The following APAF1 variants were observed in gnomAD, a reference collection of about 807,000 sequenced individuals.
The protein encoded by APAF1 is apoptotic protease-activating factor 1.
A neutral mutation model predicts 152.4 loss-of-function variants in APAF1; 91 were observed. The observed-to-expected ratio is 0.60, with a 90% CI of 0.50 to 0.71. The LOEUF (loss-of-function observed/expected upper bound fraction) is 0.71. APAF1 is among the 30% of genes least tolerant of loss of function. APAF1 has a pLI of 0.00. For synonymous variants in APAF1, 484 were observed against 494.1 expected (o/e 0.98, Z 0.27); for missense variants, 1,283 against 1,472.0 (o/e 0.87, Z 2.10).
chr12:98,725,569 G>A (rs1323492209), intron 25 of APAF1, 29 bp downstream of exon 25: 1 of 1,613,628 alleles, frequency 6.2e-7, no homozygotes, highest in Non-Finnish European at 8.5e-7. Context: ...TGAGAGCACT[G>A]CTCTTCTTGT....
intron 7 of APAF1, among the ~76,000 whole-genome samples, chr12:98,665,351 G>A (rs1004632733): frequency 6.9e-6 from 1 of 144,812 alleles, no homozygotes; most frequent in Non-Finnish European, 1.5e-5. Context: ...AAGATAATCA[G>A]GAACTTACTG....
At chr12:98,719,501 C>A (rs2097739278) in intron 22 of APAF1, among the ~76,000 whole-genome samples, 1 of 151,934 alleles carries the variant, frequency 6.6e-6, no homozygotes, top group Non-Finnish European at 1.5e-5. Flanking sequence ...AGGCCCGTGC[C>A]ACCATTTCCG....
chr12:98,686,809 A>G lies in APAF1; in HGVS notation c.2240A>G (p.Asn747Ser), dbSNP rs752738676. 9 of 1,613,828 alleles carry G rather than the reference A, an allele frequency of 5.6e-6. No individual in the cohort carries two copies. Among genetic ancestry groups the G allele is most frequent in the South Asian group, 1.1e-5 (1 of 91,068 alleles). Residue 747 changes from asparagine (N) to serine (S), a missense_variant, in exon 16 of 27, where the codon AAT becomes AGT. Physicochemically the swap from Asn to Ser is conservative, Grantham distance 46. Coordinates refer to ENST00000551964, the MANE Select transcript of APAF1 (RefSeq NM_181861.2). ...NTMFGHTNSV[N>S]HCRFSPDDKL... is the part of the protein sequence containing the mutation. Reference sequence around the variant, plus strand: ...ATGTTTGGTCATACAAATTCAGTCAATCACTGCAGATTTTCACCAGATGAT... The same window carrying G: ...ATGTTTGGTCATACAAATTCAGTCAGTCACTGCAGATTTTCACCAGATGAT...
intron 21 of APAF1, among the ~76,000 whole-genome samples, 193 bp from the exon 22 acceptor site, chr12:98,715,234 G>GTATA (rs2097732837): frequency 5.1e-5 from 3 of 58,350 alleles, no homozygotes; most frequent in Middle Eastern, 8.2e-3. Flanking sequence ...TACATGGTGT[G>GTATA]CATATATATA....
At chr12:98,698,475 C>A (rs1446926087) in intron 16 of APAF1, among the ~76,000 whole-genome samples, 1 of 151,796 alleles carries the variant, frequency 6.6e-6, no homozygotes, top group Non-Finnish European at 1.5e-5. Context: ...TGTTTTAGCA[C>A]CTGCTGTCTC....
intron 12 of APAF1, 90 bp downstream of exon 12, chr12:98,671,809 T>A (rs891463341): frequency 7.7e-7 from 1 of 1,291,972 alleles, no homozygotes; most frequent in Non-Finnish European, 1.1e-6. Flanking sequence ...CCAGGAGGAT[T>A]TAACTACTTT....
intron 5 of APAF1, among the ~76,000 whole-genome samples, chr12:98,660,169 A>C (rs1593030785): frequency 6.6e-6 from 1 of 152,130 alleles, no homozygotes; most frequent in African/African-American, 2.4e-5. Context: ...AACATGATGA[A>C]ACCCTGTCTT....
At chr12:98,707,982 T>C (rs1023598166) in intron 19 of APAF1, among the ~76,000 whole-genome samples, 9 of 152,234 alleles carry the variant, frequency 5.9e-5, no homozygotes, top group African/African-American at 1.9e-4. Flanking sequence ...AGTCTCGCTC[T>C]GTCGCCCAGG....
chr12:98,648,761 C>G lies in APAF1; in HGVS notation c.274C>G (p.Pro92Ala), dbSNP rs141352935. 6.2e-7 allele frequency: 1 copy of G among 1,614,004 alleles called. No homozygotes were observed. The highest frequency in any genetic ancestry group is 8.5e-7 in the Non-Finnish European group (1 of 1,179,966). Residue 92 changes from proline to alanine, a missense_variant, in exon 3 of 27, where the codon CCT becomes GCT. By Grantham distance (27) the Pro-to-Ala change is conservative. Coordinates refer to ENST00000551964, the MANE Select transcript of APAF1 (RefSeq NM_181861.2). ...DLAALLHDGI[P>A]VVSSSSGKDS... is the part of the protein sequence containing the mutation. ...TGCTGCCCTTCTCCATGATGGCATT[C>G]CTGTTGTCTCTTCTTCCAGTGGTAA...
intron 21 of APAF1, chr12:98,712,674 G>A: frequency 2.2e-6 from 1 of 453,170 alleles, no homozygotes; most frequent in Non-Finnish European, 4.0e-6. Context: ...ACGTCACCAT[G>A]CCCGACTAAT....
rs143963802 is a variant in APAF1 at position 98,667,631 on chromosome 12, C to T, written c.1481C>T (p.Ala494Val). Reference protein sequence around the residue: ...YNFLAYHMASAKMHKELCALM... With the variant: ...YNFLAYHMASVKMHKELCALM... ...TTTCTGGCCTATCACATGGCCAGTGCCAAGATGCACAAGGTAAGATGACCC... is the reference window on the plus strand; with the variant it reads ...TTTCTGGCCTATCACATGGCCAGTGTCAAGATGCACAAGGTAAGATGACCC... Residue 494 changes from alanine to valine, a missense_variant, in exon 10 of 27, where the codon GCC (alanine) becomes GTC (valine). Transcript: ENST00000551964. 5 of 1,613,500 alleles carry T rather than the reference C, an allele frequency of 3.1e-6. No individual in the cohort carries two copies. The highest frequency in any genetic ancestry group is 4.2e-6 in the Non-Finnish European group (5 of 1,179,964).
chr12:98,708,692 A>G lies in APAF1; in HGVS notation c.2829A>G (p.Ile943Met), dbSNP rs762784665. Residue 943 changes from isoleucine (I) to methionine (M), a missense_variant, in exon 20 of 27, where the codon ATA (isoleucine) becomes ATG (methionine). Physicochemically the swap from Ile to Met is conservative, Grantham distance 10. Transcript: ENST00000551964. ...NEVMVLAVDH[I>M]RRLQLINGRT... ...TGATGGTCCTTGCAGTTGACCATAT[A>G]AGACGTCTGCAAGTGAGTATTTTTT... 1 of 1,613,594 alleles carries G rather than the reference A, an allele frequency of 6.2e-7. No homozygotes were observed.
At chr12:98,650,944 T>C (rs2097648243) in intron 4 of APAF1, among the ~76,000 whole-genome samples, 4 of 152,190 alleles carry the variant, frequency 2.6e-5, no homozygotes, top group Non-Finnish European at 4.4e-5. Flanking sequence ...GAACACTCCC[T>C]CTCCCCATTT....
At position 98,648,744 on chromosome 12, in the gene APAF1, T is replaced by A; in HGVS notation, c.257T>A (p.Leu86His). The change falls in exon 3 of 27, where the codon CTT (leucine) becomes CAT (histidine). Residue 86 changes from leucine (L) to histidine (H), a missense_variant. Physicochemically the swap from Leu to His is moderately conservative, Grantham distance 99. Coordinates refer to ENST00000551964, the MANE Select transcript of APAF1 (RefSeq NM_181861.2). ...GAAGGATATAAAGATCTTGCTGCCCTTCTCCATGATGGCATTCCTGTTGTC... is the reference window on the plus strand; with the variant it reads ...GAAGGATATAAAGATCTTGCTGCCCATCTCCATGATGGCATTCCTGTTGTC... ...LHEGYKDLAA[L>H]LHDGIPVVSS... 6.2e-7 allele frequency: 1 copy of A among 1,614,082 alleles called. No homozygotes were observed. Among genetic ancestry groups the A allele is most frequent in the South Asian group, 1.1e-5 (1 of 91,078 alleles).
Position 98,735,252 on chromosome 12 carries a change from T to C in APAF1, c.*2686T>C. ...TTTTCCCTTGCTGTATTTTTTTGTA[T>C]TATAAATTACATTGGACTTCATATA... On this transcript the variant is annotated 3_prime_UTR_variant, in exon 27 of 27. Coordinates refer to ENST00000551964, the MANE Select transcript of APAF1 (RefSeq NM_181861.2). The C allele has an allele frequency of 2.5e-6, 1 of 399,444 alleles. No individual in the cohort carries two copies. Among genetic ancestry groups the C allele is most frequent in the East Asian group, 3.6e-5 (1 of 28,086 alleles). 24.7% of individuals were successfully genotyped at this position (399,444 alleles called of 1,614,324 possible). A position where few individuals can be genotyped will look rare whatever the true frequency, so the allele number is the denominator to read the frequency against.
intron 17 of APAF1, among the ~76,000 whole-genome samples, chr12:98,700,414 C>T (rs1315061277): frequency 1.3e-5 from 2 of 152,106 alleles, no homozygotes; most frequent in Non-Finnish European, 2.9e-5. Context: ...TATATAAGAA[C>T]TCACTGAGGG....
Position 98,734,857 on chromosome 12 carries a change from A to G in APAF1, c.*2291A>G, listed in dbSNP as rs2097767049. 4.1e-6 allele frequency: 1 copy of G among 246,282 alleles called. No homozygotes were observed. The highest frequency in any genetic ancestry group is 7.7e-6 in the Non-Finnish European group (1 of 130,044). The allele number at this position is 246,282 out of a possible 1,614,324, so 15.3% of individuals were successfully genotyped here. On this transcript the variant is annotated 3_prime_UTR_variant, in exon 27 of 27. Transcript: ENST00000551964. ...GGGGCTCATCTCATGTAGGCAGAGT[A>G]TAAAGTATTACCTTTTGGAATTAAA... is the stretch of plus-strand genomic sequence containing the variant.
At chr12:98,648,190 C>T in intron 1 of APAF1, 129 bp from the exon 2 acceptor site, 2 of 791,014 alleles carry the variant, frequency 2.5e-6, no homozygotes, top group Non-Finnish European at 4.2e-6. Flanking sequence ...TGGGTTTTGT[C>T]CATTTAAAAA....
Position 98,671,724 on chromosome 12 carries a change from G to A in APAF1, c.1793+5G>A. On this transcript the variant is annotated splice_donor_5th_base_variant and intron_variant, in intron 12 of 26. Coordinates refer to ENST00000551964, the MANE Select transcript of APAF1 (RefSeq NM_181861.2). ...AATGCTTTACCTGGAATGGATGTAA[G>A]TAGGTTAGGAGAGAAACCAAAGGGA... 2 of 1,613,992 alleles carry A rather than the reference G, an allele frequency of 1.2e-6. No individual in the cohort carries two copies. Among genetic ancestry groups the A allele is most frequent in the Non-Finnish European group, 1.7e-6 (2 of 1,179,888 alleles).
Sources: allele counts gnomAD v4.1 joint callset (sites outside exome capture counted in the v4.1 genomes callset), GRCh38; gene constraint gnomAD v4.1.1; transcripts MANE v1.5; gene names NCBI Gene and HGNC (gene_info 2026-07-23, HGNC 2026-07-21).